FADS6: variants seen among roughly 807,000 people sequenced by gnomAD.
FADS6 encodes the protein fatty acid desaturase 6, also known as fatty acid desaturase domain family, member 6.
Under a neutral mutation model 31.7 loss-of-function variants are expected in FADS6, and 28 were observed. The ratio of observed to expected loss-of-function variants is 0.88; its 90% CI spans 0.66 to 1.21. The LOEUF is 1.21. FADS6 is among the 50% of genes most tolerant of loss of function. The pLI, the probability that FADS6 is intolerant of heterozygous loss-of-function variation, is 0.00. For synonymous variants in FADS6, 191 were observed against 213.1 expected, an observed-to-expected ratio of 0.90 and a Z score of 0.90; for missense variants, 494 against 504.2, an observed-to-expected ratio of 0.98 and a Z score of 0.19.
chr17:74,876,332 G>T (rs62084951), downstream of FADS6, among the ~76,000 whole-genome samples: 1 of 152,138 alleles, frequency 6.6e-6, no homozygotes. Flanking sequence ...GCAATTACAC[G>T]CTCAGAGAAT....
chr17:74,885,665 C>G (rs1166226816), intron 2 of FADS6, among the ~76,000 whole-genome samples: 3 of 152,148 alleles, frequency 2.0e-5, no homozygotes, highest in Non-Finnish European at 4.4e-5. Context: ...AGACAACCAC[C>G]ACCTACACCC....
intron 2 of FADS6, among the ~76,000 whole-genome samples, chr17:74,887,495 G>C (rs2038635940): frequency 6.6e-6 from 1 of 152,196 alleles, no homozygotes; most frequent in Admixed American, 6.5e-5. Context: ...ATCACATTCT[G>C]CCTGCCCCAG....
intron 2 of FADS6, among the ~76,000 whole-genome samples, chr17:74,885,302 CAAAAA>C (rs1197186899): frequency 7.9e-6 from 1 of 126,490 alleles, no homozygotes; most frequent in African/African-American, 2.7e-5. Context: ...AAGAAAACCA[CAAAAA>C]AAAAAAATAA....
At chr17:74,888,517 G>A (rs570434255) in intron 2 of FADS6, among the ~76,000 whole-genome samples, 3 of 152,258 alleles carry the variant, frequency 2.0e-5, no homozygotes, top group South Asian at 2.1e-4. Context: ...AGGAGAGAAC[G>A]TTCCAGGATC....
intron 5 of FADS6, 52 bp from the exon 6 acceptor site, chr17:74,878,529 C>G: frequency 6.3e-7 from 1 of 1,596,302 alleles, no homozygotes; most frequent in Non-Finnish European, 8.6e-7. Context: ...GTGGGCAGGC[C>G]CATCATCCCG....
chr17:74,875,207 T>G (rs972019858), downstream of FADS6, among the ~76,000 whole-genome samples: 3 of 152,252 alleles, frequency 2.0e-5, no homozygotes, highest in East Asian at 5.8e-4. Context: ...CAGGACTTTT[T>G]TTCACTGTCT....
chr17:74,882,431 C>A, intron 3 of FADS6, 99 bp downstream of exon 3: 1 of 1,359,404 alleles, frequency 7.4e-7, no homozygotes, highest in Non-Finnish European at 9.9e-7. Flanking sequence ...TCTATCGGGC[C>A]TTCCTCTATA....
intron 2 of FADS6, among the ~76,000 whole-genome samples, chr17:74,891,830 T>G (rs1167972656): frequency 2.6e-5 from 4 of 152,194 alleles, no homozygotes. Context: ...GCTTTCCTAT[T>G]TATTCATAAG....
At chr17:74,890,849 A>T (rs986888498) in intron 2 of FADS6, among the ~76,000 whole-genome samples, 1 of 152,124 alleles carries the variant, frequency 6.6e-6, no homozygotes, top group Non-Finnish European at 1.5e-5. Flanking sequence ...TTTGGCACAC[A>T]TGATAGCTAT....
chr17:74,891,203 A>G (rs1342729485), intron 2 of FADS6, among the ~76,000 whole-genome samples: 1 of 146,482 alleles, frequency 6.8e-6, no homozygotes, highest in Non-Finnish European at 1.5e-5. Flanking sequence ...ATGCCCGGCT[A>G]ATTTTTGTAC....
In FADS6 at chr17:74,878,032, T is replaced by A. The variant is rs1298785454; in HGVS notation, c.*299A>T. 1.3e-5 allele frequency: 15 copies of A among 1,151,152 alleles called. No individual in the cohort carries two copies. Among genetic ancestry groups the A allele is most frequent in the Non-Finnish European group, 1.6e-5 (15 of 934,054 alleles). 71.3% of individuals were successfully genotyped at this position (1,151,152 alleles called of 1,614,324 possible). A position where few individuals can be genotyped will look rare whatever the true frequency, so the allele number is the denominator to read the frequency against. On this transcript the variant is annotated 3_prime_UTR_variant, in exon 6 of 6. Transcript: ENST00000612771. ...CCCTTTAACCCTACCAAGGCTCAGA[T>A]GGAGCAGGGGGAAGGACCCAGCTCT... is the stretch of plus-strand genomic sequence containing the variant.
downstream of FADS6, among the ~76,000 whole-genome samples, chr17:74,877,096 T>C (rs144283691): frequency 1.1e-4 from 16 of 152,166 alleles, no homozygotes; most frequent in African/African-American, 3.9e-4. Flanking sequence ...AGCCCTGACT[T>C]CAGGCTCTTC....
At chr17:74,876,368 A>G (rs1194389872), downstream of FADS6, among the ~76,000 whole-genome samples, 1 of 152,074 alleles carries the variant, frequency 6.6e-6, no homozygotes, top group African/African-American at 2.4e-5. Context: ...AACTGGGTCA[A>G]CTCAGCAATG....
chr17:74,882,686 G>C lies in FADS6; in HGVS notation c.436C>G (p.His146Asp), dbSNP rs1220032914. The C allele has an allele frequency of 2.5e-6, 4 of 1,610,634 alleles. No individual in the cohort carries two copies. The Admixed American group carries it at 6.7e-5, about 27-fold the overall frequency. The change falls in exon 3 of 6, where the codon CAC becomes GAC. Residue 146 changes from histidine (H) to aspartate (D), a missense_variant. By Grantham distance (81) the His-to-Asp change is moderately conservative (BLOSUM62 -1). Coordinates refer to ENST00000612771, the MANE Select transcript of FADS6 (RefSeq NM_178128.6). ...ATCTTGACGTGCCCATGCGTGGCGTGCTCTGCAGTGAAGGCTGTGCACACC... is the reference window on the plus strand; with the variant it reads ...ATCTTGACGTGCCCATGCGTGGCGTCCTCTGCAGTGAAGGCTGTGCACACC... ...VEVCTAFTAE[H>D]ATHGHVKMHH...
chr17:74,886,596 T>A (rs568650066), intron 2 of FADS6, among the ~76,000 whole-genome samples: 17 of 152,012 alleles, frequency 1.1e-4, no homozygotes, highest in African/African-American at 3.1e-4. Context: ...CAAAGACCTC[T>A]CCCGATGCTT....
At chr17:74,881,748 GAAAGA>G (rs781768632) in intron 3 of FADS6, among the ~76,000 whole-genome samples, 27 of 139,698 alleles carry the variant, frequency 1.9e-4, no homozygotes, top group African/African-American at 2.8e-4. Flanking sequence ...AAAAAAAAAA[GAAAGA>G]AAAGAAAAGA....
At chr17:74,886,924 C>G (rs2038629297) in intron 2 of FADS6, among the ~76,000 whole-genome samples, 1 of 152,154 alleles carries the variant, frequency 6.6e-6, no homozygotes, top group South Asian at 2.1e-4. Context: ...AGTTTCTCAG[C>G]CCTGCATGAT....
intron 2 of FADS6, among the ~76,000 whole-genome samples, chr17:74,889,585 G>T (rs968774242): frequency 1.3e-5 from 2 of 151,328 alleles, no homozygotes; most frequent in East Asian, 1.9e-4. Context: ...AAAAAAAAAG[G>T]CCGGGTACAG....
chr17:74,889,870 C>CAAA (rs59381032), intron 2 of FADS6, among the ~76,000 whole-genome samples: 31,740 of 53,228 alleles, frequency 0.6, 10,522 homozygotes, highest in South Asian at 0.74. Context: ...GACTCAGTCT[C>CAAA]AAAAAAAAAA....
Sources: gnomAD v4.1 joint callset for allele counts (sites outside exome capture counted in the v4.1 genomes callset) on GRCh38, gnomAD v4.1.1 for gene constraint, MANE v1.5 for transcripts, NCBI Gene and HGNC (gene_info 2026-07-23, HGNC 2026-07-21) for gene names.